The following SUSD4 variants were observed in gnomAD, a reference collection of about 807,000 sequenced individuals.
SUSD4 encodes the protein sushi domain containing 4.
Under a neutral mutation model 50.5 loss-of-function variants are expected in SUSD4, and 41 were observed. The ratio of observed to expected loss-of-function variants is 0.81; its 90% CI spans 0.63 to 1.05. The LOEUF is 1.05. Among genes scored for constraint, SUSD4 ranks in the 50% least tolerant of loss-of-function variants. SUSD4 has a pLI of 0.00. For missense variants in SUSD4, 580 were observed against 634.7 expected (o/e 0.91, Z 0.93); for synonymous variants, 257 against 257.3 (o/e 1.00, Z 0.01).
chr1:223,278,050 G>A (rs757809444), intron 3 of SUSD4, among the ~76,000 whole-genome samples: 1 of 152,156 alleles, frequency 6.6e-6, no homozygotes, highest in Non-Finnish European at 1.5e-5. Flanking sequence ...TCTGATGCAG[G>A]TAGTCCTTGG....
At chr1:223,256,945 T>A (rs1425580675) in intron 5 of SUSD4, among the ~76,000 whole-genome samples, 1 of 152,142 alleles carries the variant, frequency 6.6e-6, no homozygotes, top group East Asian at 1.9e-4. Flanking sequence ...AGTTTCCTCA[T>A]CTATAGGCTG....
At chr1:223,235,878 C>T (rs1397934547) in intron 5 of SUSD4, among the ~76,000 whole-genome samples, 1 of 152,098 alleles carries the variant, frequency 6.6e-6, no homozygotes, top group Admixed American at 6.5e-5. Context: ...TGGGTAAATA[C>T]CAAGGAGAAG....
intron 2 of SUSD4, among the ~76,000 whole-genome samples, chr1:223,305,373 C>A (rs1473087495): frequency 1.3e-5 from 2 of 152,110 alleles, no homozygotes; most frequent in Non-Finnish European, 2.9e-5. Flanking sequence ...ACCCAACCAC[C>A]AAATGGGAAC....
At chr1:223,265,096 C>A (rs557441578) in intron 4 of SUSD4, among the ~76,000 whole-genome samples, 2 of 152,328 alleles carry the variant, frequency 1.3e-5, no homozygotes, top group Admixed American at 6.5e-5. Context: ...GGATTGTACA[C>A]CCTCAGGCCA....
chr1:223,273,101 A>G (rs1663024477), intron 3 of SUSD4, among the ~76,000 whole-genome samples: 1 of 152,192 alleles, frequency 6.6e-6, no homozygotes, highest in South Asian at 2.1e-4. Flanking sequence ...GAACAATTTA[A>G]TTATGTATGG....
intron 4 of SUSD4, among the ~76,000 whole-genome samples, chr1:223,267,521 A>G (rs1462194757): frequency 6.6e-6 from 1 of 152,166 alleles, no homozygotes; most frequent in Admixed American, 6.5e-5. Flanking sequence ...AAAATGCAAC[A>G]CAGAACATGC....
chr1:223,223,282 C>G lies in SUSD4; in HGVS notation c.1411G>C (p.Ala471Pro), dbSNP rs202124504. 1.9e-4 allele frequency: 290 copies of G among 1,561,392 alleles called. No homozygotes were observed. The African/African-American group carries it at 3.6e-3, about 19-fold the overall frequency. Residue 471 changes from alanine (A) to proline (P), a missense_variant, in exon 8 of 9, where the codon GCA (alanine) becomes CCA (proline). Coordinates refer to ENST00000366878, the MANE Select transcript of SUSD4 (RefSeq NM_017982.4). ...DIIASTAEEV[A>P]STSPGIDIAD... is the part of the protein sequence containing the mutation. ...ATGTCGATGCCTGGGCTGGTGGATG[C>G]CACCTCCTCTGCCGTGCTGGCAATT...
At chr1:223,281,377 T>C (rs1348740430) in intron 3 of SUSD4, among the ~76,000 whole-genome samples, 2 of 151,964 alleles carry the variant, frequency 1.3e-5, no homozygotes, top group East Asian at 1.9e-4. Context: ...AAGAATCAAA[T>C]AGACACAATA....
At chr1:223,322,195 C>T (rs1428327116) in intron 2 of SUSD4, among the ~76,000 whole-genome samples, 1 of 152,200 alleles carries the variant, frequency 6.6e-6, no homozygotes, top group Non-Finnish European at 1.5e-5. Context: ...ATATCTGTGA[C>T]TCCTACAGGT....
chr1:223,263,489 G>C, intron 5 of SUSD4: 2 of 942,490 alleles, frequency 2.1e-6, no homozygotes, highest in Non-Finnish European at 2.5e-6. Flanking sequence ...GGCATCTCTA[G>C]GCTAGGCTCC....
intron 2 of SUSD4, among the ~76,000 whole-genome samples, chr1:223,307,505 T>C (rs1168456595): frequency 5.9e-5 from 9 of 152,224 alleles, no homozygotes; most frequent in Non-Finnish European, 2.9e-5. Context: ...TTTTTAGTGA[T>C]ACTGAATATT....
chr1:223,225,419 G>C, intron 7 of SUSD4, among the ~76,000 whole-genome samples: 1 of 151,938 alleles, frequency 6.6e-6, no homozygotes, highest in Non-Finnish European at 1.5e-5. Flanking sequence ...TTATGGTGGT[G>C]GACTCCTTGT....
Position 223,223,583 on chromosome 1 carries a change from G to A in SUSD4, c.1110C>T (p.Asp370=), listed in dbSNP as rs769211754. Reference sequence around the variant, plus strand: ...AGGACGGGAGCATGACGGGCACGCCGTCTACCACCACAAAGTCAGGGTCAC... The same window carrying A: ...AGGACGGGAGCATGACGGGCACGCCATCTACCACCACAAAGTCAGGGTCAC... The part of the protein sequence containing the change: ...SSSDPDFVVV[D]GVPVMLPSYD... Residue 370 remains aspartate (D), a synonymous_variant, in exon 8 of 9, where the codon GAC becomes GAT. Coordinates refer to ENST00000366878, the MANE Select transcript of SUSD4 (RefSeq NM_017982.4). 61 of 1,612,668 alleles carry A rather than the reference G, an allele frequency of 3.8e-5. No homozygotes were observed. Among genetic ancestry groups the A allele is most frequent in the Non-Finnish European group, 4.3e-5 (51 of 1,179,512 alleles).
intron 2 of SUSD4, among the ~76,000 whole-genome samples, chr1:223,329,043 T>G (rs1041004886): frequency 2.6e-5 from 4 of 152,182 alleles, no homozygotes; most frequent in Admixed American, 1.3e-4. Context: ...TTGTGCAAAG[T>G]TGATGACCCC....
chr1:223,357,206 C>A (rs960215178), intron 2 of SUSD4, among the ~76,000 whole-genome samples: 1 of 152,200 alleles, frequency 6.6e-6, no homozygotes, highest in African/African-American at 2.4e-5. Flanking sequence ...TTCAGGCACT[C>A]TGGCCTTCAC....
At chr1:223,327,802 C>G (rs1323936939) in intron 2 of SUSD4, among the ~76,000 whole-genome samples, 1 of 152,226 alleles carries the variant, frequency 6.6e-6, no homozygotes, top group Non-Finnish European at 1.5e-5. Context: ...CTATCACAGG[C>G]AGTTGTCACC....
chr1:223,274,198 AACC>A (rs1435238190), intron 3 of SUSD4, among the ~76,000 whole-genome samples: 2 of 152,190 alleles, frequency 1.3e-5, no homozygotes, highest in Non-Finnish European at 2.9e-5. Flanking sequence ...ACACTGTCCC[AACC>A]ACCACAATTT....
chr1:223,329,910 A>G (rs1667084842), intron 2 of SUSD4, among the ~76,000 whole-genome samples: 1 of 152,178 alleles, frequency 6.6e-6, no homozygotes, highest in Non-Finnish European at 1.5e-5. Context: ...GAATGGATGG[A>G]TGAACAGATG....
At chr1:223,235,397 C>G (rs1660152792) in intron 5 of SUSD4, among the ~76,000 whole-genome samples, 1 of 152,086 alleles carries the variant, frequency 6.6e-6, no homozygotes, top group South Asian at 2.1e-4. Context: ...TTAGGGTTCA[C>G]TCTTGGTGTT....
Sources: gnomAD v4.1 joint callset for allele counts (sites outside exome capture counted in the v4.1 genomes callset) on GRCh38, gnomAD v4.1.1 for gene constraint, MANE v1.5 for transcripts, NCBI Gene and HGNC (gene_info 2026-07-23, HGNC 2026-07-21) for gene names.